Variants in DNAJC15 observed in about 807,000 individuals in gnomAD.
DNAJC15 encodes DnaJ heat shock protein family (Hsp40) member C15, also known as dnaJ homolog subfamily C member 15.
Under a neutral mutation model 22.4 loss-of-function variants are expected in DNAJC15, and 27 were observed. The ratio of observed to expected loss-of-function variants is 1.20; its 90% CI spans 0.89 to 1.66. DNAJC15 has a LOEUF of 1.66. Ranked by LOEUF, DNAJC15 falls within the 40% of genes most tolerant of loss-of-function variation. DNAJC15 has a pLI of 0.00. For missense variants in DNAJC15, 208 were observed against 187.1 expected, an observed-to-expected ratio of 1.11 and a Z score of -0.65; for synonymous variants, 79 against 63.2, an observed-to-expected ratio of 1.25 and a Z score of -1.19.
At chr13:43,090,709 C>CTTTTTTTT (rs5803165) in intron 5 of DNAJC15, among the ~76,000 whole-genome samples, 3 of 139,522 alleles carry the variant, frequency 2.2e-5, no homozygotes, top group Non-Finnish European at 3.1e-5. Flanking sequence ...TTCTTTCTTT[C>CTTTTTTTT]TTTTTTTTTT....
intron 1 of DNAJC15, among the ~76,000 whole-genome samples, chr13:43,044,133 T>C (rs1381803436): frequency 6.6e-6 from 1 of 152,200 alleles, no homozygotes; most frequent in Non-Finnish European, 1.5e-5. Flanking sequence ...TTCCTCTCTT[T>C]TTTTCTCCTT....
chr13:43,049,781 C>T (rs994139108), intron 1 of DNAJC15, among the ~76,000 whole-genome samples: 1 of 152,146 alleles, frequency 6.6e-6, no homozygotes, highest in Non-Finnish European at 1.5e-5. Context: ...TACTGTTTTA[C>T]AGCTCACAAA....
chr13:43,036,344 G>C (rs2040428908), intron 1 of DNAJC15, among the ~76,000 whole-genome samples: 1 of 151,948 alleles, frequency 6.6e-6, no homozygotes, highest in Non-Finnish European at 1.5e-5. Flanking sequence ...CCTCAACAGA[G>C]AGGAGACTGG....
chr13:43,097,761 A>C (rs2040746966), intron 5 of DNAJC15, among the ~76,000 whole-genome samples: 1 of 152,096 alleles, frequency 6.6e-6, no homozygotes, highest in Non-Finnish European at 1.5e-5. Context: ...AACATGGAGA[A>C]ACCCCATCTC....
intron 1 of DNAJC15, among the ~76,000 whole-genome samples, chr13:43,039,410 A>G (rs1027982193): frequency 5.9e-5 from 9 of 152,230 alleles, no homozygotes; most frequent in African/African-American, 2.2e-4. Context: ...GTGCCTTTGC[A>G]TGTACCTTTC....
intron 2 of DNAJC15, among the ~76,000 whole-genome samples, chr13:43,067,001 A>G (rs1049292590): frequency 1.3e-5 from 2 of 152,176 alleles, no homozygotes; most frequent in Admixed American, 1.3e-4. Flanking sequence ...TTACATAGCT[A>G]TATCCTAATT....
intron 1 of DNAJC15, among the ~76,000 whole-genome samples, chr13:43,043,011 G>C (rs1005480316): frequency 6.6e-6 from 1 of 152,190 alleles, no homozygotes; most frequent in Non-Finnish European, 1.5e-5. Context: ...GGCTGCAAGT[G>C]CTCTCCAGGC....
chr13:43,081,907 A>G (rs901994884), intron 4 of DNAJC15, among the ~76,000 whole-genome samples: 2 of 152,178 alleles, frequency 1.3e-5, no homozygotes, highest in Non-Finnish European at 2.9e-5. Context: ...CAATAATGGC[A>G]GAAGGCAAAG....
chr13:43,086,757 TGAAA>T (rs1471244193), intron 5 of DNAJC15, among the ~76,000 whole-genome samples: 1 of 152,236 alleles, frequency 6.6e-6, no homozygotes, highest in East Asian at 1.9e-4. Context: ...CAACAGTTAC[TGAAA>T]GATTCACTCA....
intron 1 of DNAJC15, among the ~76,000 whole-genome samples, chr13:43,043,459 T>C (rs897055284): frequency 2.6e-5 from 4 of 152,222 alleles, no homozygotes; most frequent in Admixed American, 2.6e-4. Context: ...CACACTGTTA[T>C]TTTGAGTAAA....
In DNAJC15 at chr13:43,088,145, C is replaced by G. The variant is rs145252238; in HGVS notation, c.382+2307C>G. On this transcript the variant is annotated intron_variant, in intron 5 of 5. Transcript: ENST00000379221. The stretch of plus-strand genomic sequence containing the variant: ...TTAATCAATGTGTATTTTGCCTATT[C>G]TTACCAGTCCAGTTTGTGCAAGTTA... Among the ~76,000 whole-genome samples, 126 of 152,278 alleles carry G rather than the reference C, an allele frequency of 8.3e-4. 1 individual carries two copies. Among genetic ancestry groups the G allele is most frequent in the Middle Eastern group, 3.4e-3 (1 of 294 alleles).
intron 1 of DNAJC15, among the ~76,000 whole-genome samples, chr13:43,025,917 T>C (rs2040378737): frequency 6.6e-6 from 1 of 152,072 alleles, no homozygotes. Context: ...AAAAAGAAAA[T>C]AACATGTTAA....
chr13:43,082,894 A>G (rs1227309836), intron 4 of DNAJC15, among the ~76,000 whole-genome samples: 3 of 151,324 alleles, frequency 2.0e-5, no homozygotes, highest in Non-Finnish European at 2.9e-5. Context: ...ATATGTGTGT[A>G]TATATATGTG....
chr13:43,093,757 T>A (rs2040726298), intron 5 of DNAJC15, among the ~76,000 whole-genome samples: 1 of 152,168 alleles, frequency 6.6e-6, no homozygotes, highest in Non-Finnish European at 1.5e-5. Context: ...TAATTCATTT[T>A]AAAATATTAA....
At chr13:43,030,971 T>C (rs1054217923) in intron 1 of DNAJC15, among the ~76,000 whole-genome samples, 1 of 152,170 alleles carries the variant, frequency 6.6e-6, no homozygotes, top group African/African-American at 2.4e-5. Context: ...GTGAGTTGAA[T>C]GAGTAGAACA....
chr13:43,059,358 A>G (rs547292431), intron 1 of DNAJC15, among the ~76,000 whole-genome samples: 1 of 152,056 alleles, frequency 6.6e-6, no homozygotes, highest in Non-Finnish European at 1.5e-5. Flanking sequence ...GTGAGCTCAT[A>G]TATTTATATT....
At chr13:43,048,956 G>A (rs879780406) in intron 1 of DNAJC15, among the ~76,000 whole-genome samples, 8 of 150,734 alleles carry the variant, frequency 5.3e-5, no homozygotes, top group African/African-American at 9.7e-5. Context: ...GCAGCCTTGT[G>A]AATTTTTTTT....
Position 43,108,068 on chromosome 13 carries a change from A to T in DNAJC15, c.*820A>T, listed in dbSNP as rs2040806794. 1 of 152,660 alleles carries T rather than the reference A, an allele frequency of 6.6e-6. No homozygotes were observed. The highest frequency in any genetic ancestry group is 1.5e-5 in the Non-Finnish European group (1 of 68,024). The allele number at this position is 152,660 out of a possible 1,614,324, so 9.5% of individuals were successfully genotyped here. A position where few individuals can be genotyped will look rare whatever the true frequency, so the allele number is the denominator to read the frequency against. Reference sequence around the variant, plus strand: ...TGGATCATGAACCAAAGGAACTTATATGTAGAGGAAGGATAAATCACAAAT... The same window carrying T: ...TGGATCATGAACCAAAGGAACTTATTTGTAGAGGAAGGATAAATCACAAAT... On this transcript the variant is annotated 3_prime_UTR_variant, in exon 6 of 6. Transcript: ENST00000379221.
chr13:43,083,346 T>G (rs1420680249), intron 4 of DNAJC15, among the ~76,000 whole-genome samples: 2 of 151,984 alleles, frequency 1.3e-5, no homozygotes, highest in African/African-American at 4.8e-5. Flanking sequence ...TTTTTGTAGT[T>G]TTAGTAGAGA....
Sources: gnomAD v4.1 joint callset for allele counts (sites outside exome capture counted in the v4.1 genomes callset) on GRCh38, gnomAD v4.1.1 for gene constraint, MANE v1.5 for transcripts, NCBI Gene and HGNC (gene_info 2026-07-23, HGNC 2026-07-21) for gene names.